The following LTBP1 variants were observed in gnomAD, a reference collection of about 807,000 sequenced individuals.
LTBP1 encodes latent-transforming growth factor beta-binding protein 1.
In LTBP1, 129 loss-of-function variants were observed where a neutral mutation model predicts 207.6. The observed-to-expected ratio is 0.62, with a 90% CI of 0.54 to 0.72. The LOEUF is 0.72. Among genes scored for constraint, LTBP1 ranks in the 30% least tolerant of loss-of-function variants. The pLI is 0.00. For synonymous variants in LTBP1, 963 were observed against 833.7 expected, an observed-to-expected ratio of 1.16 and a Z score of -2.67; for missense variants, 2,281 against 2,217.2, an observed-to-expected ratio of 1.03 and a Z score of -0.58.
intron 3 of LTBP1, among the ~76,000 whole-genome samples, chr2:33,101,427 G>T (rs1252458033): frequency 6.6e-6 from 1 of 152,162 alleles, no homozygotes; most frequent in Non-Finnish European, 1.5e-5. Context: ...ATCAGGTATT[G>T]TGCTAGATAT....
intron 2 of LTBP1, among the ~76,000 whole-genome samples, chr2:33,002,787 C>T (rs113558592): frequency 0.039 from 5,977 of 152,156 alleles, 197 homozygotes; most frequent in Non-Finnish European, 0.066. Flanking sequence ...AAACGATTCT[C>T]ATGCCTCAGT....
At chr2:33,354,575 A>AT (rs2094829374) in intron 26 of LTBP1, among the ~76,000 whole-genome samples, 1 of 151,974 alleles carries the variant, frequency 6.6e-6, no homozygotes, top group African/African-American at 2.4e-5. Context: ...CTTTTTTAAG[A>AT]TTTTCTGCTT....
chr2:33,034,693 TC>T (rs1266809785), intron 3 of LTBP1, among the ~76,000 whole-genome samples: 3 of 152,192 alleles, frequency 2.0e-5, no homozygotes, highest in Non-Finnish European at 4.4e-5. Flanking sequence ...GGGTTTGCTT[TC>T]TGGTTAGAGG....
intron 26 of LTBP1, among the ~76,000 whole-genome samples, chr2:33,348,672 A>G (rs2094737765): frequency 6.6e-6 from 1 of 152,228 alleles, no homozygotes. Context: ...TGAATGAATT[A>G]ATTCATATAT....
intron 27 of LTBP1, among the ~76,000 whole-genome samples, chr2:33,361,089 G>A (rs546531593): frequency 1.3e-5 from 2 of 152,194 alleles, no homozygotes; most frequent in Non-Finnish European, 2.9e-5. Context: ...CGTAACTAAA[G>A]CTTGTGTATT....
chr2:33,257,323 C>A lies in LTBP1; in HGVS notation c.2207C>A (p.Thr736Lys), dbSNP rs771535027. ...ATCTGTCCTGGTGGAATGGGTTATA[C>A]GGTTTCTGGCGTTCATAGACGCAGG... is the stretch of plus-strand genomic sequence containing the variant. ...KEICPGGMGYTVSGVHRRRPI... is the reference protein window; with the variant it reads ...KEICPGGMGYKVSGVHRRRPI... Residue 736 changes from threonine (T) to lysine (K), a missense_variant, in exon 12 of 34, where the codon ACG becomes AAG. Coordinates refer to ENST00000404816, the MANE Select transcript of LTBP1 (RefSeq NM_206943.4). 1 of 1,614,154 alleles carries A rather than the reference C, an allele frequency of 6.2e-7. No homozygotes were observed. Among genetic ancestry groups the A allele is most frequent in the Non-Finnish European group, 8.5e-7 (1 of 1,180,014 alleles).
At chr2:33,027,398 G>A (rs1558532318) in intron 3 of LTBP1, among the ~76,000 whole-genome samples, 3 of 152,104 alleles carry the variant, frequency 2.0e-5, no homozygotes, top group Admixed American at 6.5e-5. Context: ...CAAATTACCA[G>A]TATACAGTAT....
chr2:32,966,322 T>G (rs901954412), intron 2 of LTBP1, among the ~76,000 whole-genome samples: 12 of 152,288 alleles, frequency 7.9e-5, no homozygotes, highest in African/African-American at 2.6e-4. Flanking sequence ...AGAAGTTTTT[T>G]TATTTTAATG....
intron 32 of LTBP1, among the ~76,000 whole-genome samples, chr2:33,392,439 C>A (rs1013806135): frequency 6.6e-6 from 1 of 152,156 alleles, no homozygotes; most frequent in African/African-American, 2.4e-5. Flanking sequence ...CCTGCCTTGG[C>A]CTTCCAAAGT....
chr2:33,039,874 C>T (rs191985655), intron 3 of LTBP1, among the ~76,000 whole-genome samples: 1 of 152,130 alleles, frequency 6.6e-6, no homozygotes, highest in Admixed American at 6.5e-5. Flanking sequence ...ATAATGGTTG[C>T]TTACGGTTGA....
chr2:33,125,788 C>T (rs1223227806), intron 4 of LTBP1, among the ~76,000 whole-genome samples: 1 of 150,322 alleles, frequency 6.7e-6, no homozygotes, highest in Non-Finnish European at 1.5e-5. Flanking sequence ...CGAGATGGTG[C>T]TACTGCACTC....
intron 3 of LTBP1, among the ~76,000 whole-genome samples, chr2:33,098,754 C>T (rs1278285328): frequency 6.6e-6 from 1 of 152,082 alleles, no homozygotes; most frequent in Admixed American, 6.6e-5. Flanking sequence ...ATGATTTTTA[C>T]TTTATAAAGT....
intron 2 of LTBP1, among the ~76,000 whole-genome samples, chr2:33,016,506 T>C (rs528604063): frequency 3.3e-5 from 5 of 152,110 alleles, no homozygotes; most frequent in African/African-American, 1.2e-4. Context: ...CCGCTAGAGA[T>C]TCTGATTTAA....
intron 2 of LTBP1, among the ~76,000 whole-genome samples, chr2:32,998,765 GT>G (rs970060338): frequency 5.9e-5 from 9 of 152,100 alleles, no homozygotes; most frequent in Admixed American, 2.0e-4. Flanking sequence ...TCTCTCCCAT[GT>G]GAGGATACAA....
intron 26 of LTBP1, among the ~76,000 whole-genome samples, chr2:33,348,370 A>G (rs1254491288): frequency 6.6e-6 from 1 of 152,228 alleles, no homozygotes; most frequent in Non-Finnish European, 1.5e-5. Flanking sequence ...GTTATTAAAT[A>G]TAGAAAGGTG....
At position 32,959,613 on chromosome 2, in the gene LTBP1, A is replaced by ATTTT. The variant is rs71407488; in HGVS notation, c.565+10669_565+10670insTTTT. 9.1e-3 allele frequency among the ~76,000 whole-genome samples: 331 copies of ATTTT among 36,538 alleles called. 7 individuals carry two copies. Among genetic ancestry groups the ATTTT allele is most frequent in the Non-Finnish European group, 0.013 (259 of 19,240 alleles). 24.0% of individuals were successfully genotyped at this position (36,538 alleles called of 152,430 possible). A position where few individuals can be genotyped will look rare whatever the true frequency, so the allele number is the denominator to read the frequency against. On this transcript the variant is annotated intron_variant, in intron 2 of 33. Coordinates refer to ENST00000404816, the MANE Select transcript of LTBP1 (RefSeq NM_206943.4). ...TATGTACGTGTATATATATATATAT[A>ATTTT]TATATATATTTTTTTTTTTTTTTTT...
chr2:33,029,240 G>A (rs2075576161), intron 3 of LTBP1, among the ~76,000 whole-genome samples: 1 of 152,204 alleles, frequency 6.6e-6, no homozygotes, highest in Non-Finnish European at 1.5e-5. Flanking sequence ...ACTTTGGGAG[G>A]CTGAGGCAGG....
chr2:33,170,757 C>G (rs1259399586), intron 5 of LTBP1, among the ~76,000 whole-genome samples: 1 of 41,748 alleles, frequency 2.4e-5, no homozygotes, highest in East Asian at 5.3e-4. Context: ...TGGGAGGCAC[C>G]CCCCAGTAGG....
intron 19 of LTBP1, chr2:33,291,459 A>C (rs2093773101): frequency 6.6e-6 from 1 of 152,240 alleles, no homozygotes; most frequent in Admixed American, 6.5e-5. Flanking sequence ...TGGAATTTCT[A>C]TGCCTGGTGT....
Sources: allele counts gnomAD v4.1 joint callset (sites outside exome capture counted in the v4.1 genomes callset), GRCh38; gene constraint gnomAD v4.1.1; transcripts MANE v1.5; gene names NCBI Gene and HGNC (gene_info 2026-07-23, HGNC 2026-07-21).